The following FGF14 variants were observed in gnomAD, a reference collection of about 807,000 sequenced individuals.
FGF14 encodes the protein fibroblast growth factor homologous factor 4.
A neutral mutation model predicts 25.5 loss-of-function variants in FGF14; 5 were observed. That is an observed-to-expected ratio of 0.20 (90% CI 0.10 to 0.41). The LOEUF (loss-of-function observed/expected upper bound fraction) is 0.41, where lower values mean the gene tolerates loss of function less well. Among genes scored for constraint, FGF14 ranks in the 10% least tolerant of loss-of-function variants. FGF14 has a pLI of 1.00. For missense variants in FGF14, 222 were observed against 320.1 expected, an observed-to-expected ratio of 0.69 and a Z score of 2.34; for synonymous variants, 138 against 118.3, an observed-to-expected ratio of 1.17 and a Z score of -1.08.
chr13:102,089,074 G>C (rs2044055213), intron 1 of FGF14, among the ~76,000 whole-genome samples: 1 of 152,180 alleles, frequency 6.6e-6, no homozygotes, highest in African/African-American at 2.4e-5. Flanking sequence ...CATAGATACA[G>C]AATTCAGAAT....
At chr13:102,295,008 A>G (rs771064753) in intron 1 of FGF14, among the ~76,000 whole-genome samples, 4 of 152,144 alleles carry the variant, frequency 2.6e-5, no homozygotes, top group Non-Finnish European at 4.4e-5. Flanking sequence ...TAAAATACCT[A>G]CTTTGATTTG....
At chr13:102,367,559 G>A (rs2057749138) in intron 1 of FGF14, 1 of 151,120 alleles carries the variant, frequency 6.6e-6, no homozygotes, top group Non-Finnish European at 1.5e-5. Flanking sequence ...AAGAGGCAAG[G>A]ATGACAGGAG....
At chr13:101,904,961 T>C (rs2032051658) in intron 1 of FGF14, among the ~76,000 whole-genome samples, 1 of 152,210 alleles carries the variant, frequency 6.6e-6, no homozygotes, top group South Asian at 2.1e-4. Context: ...TGGTCAAACA[T>C]GAAATACTTG....
At chr13:102,180,362 G>A (rs763682184) in intron 1 of FGF14, among the ~76,000 whole-genome samples, 8 of 152,010 alleles carry the variant, frequency 5.3e-5, no homozygotes, top group Non-Finnish European at 1.2e-4. Flanking sequence ...ACCCAGGCTG[G>A]ATTACAGTGG....
intron 1 of FGF14, among the ~76,000 whole-genome samples, chr13:102,240,796 T>G (rs566196385): frequency 6.6e-6 from 1 of 152,162 alleles, no homozygotes; most frequent in Non-Finnish European, 1.5e-5. Context: ...GGATTGAAGA[T>G]GCAAACTTTA....
chr13:102,248,280 G>A (rs891996331), intron 1 of FGF14, among the ~76,000 whole-genome samples: 22 of 151,992 alleles, frequency 1.4e-4, no homozygotes, highest in African/African-American at 5.3e-4. Flanking sequence ...TGCTTGTAAG[G>A]CATGGTTTTC....
intron 3 of FGF14, among the ~76,000 whole-genome samples, chr13:101,740,321 C>T (rs73566209): frequency 0.013 from 2,043 of 152,248 alleles, 44 homozygotes; most frequent in African/African-American, 0.046. Context: ...AGGAACATGT[C>T]ACACTCAGAT....
At chr13:102,391,038 C>A (rs985639647) in intron 1 of FGF14, among the ~76,000 whole-genome samples, 1 of 152,138 alleles carries the variant, frequency 6.6e-6, no homozygotes, top group African/African-American at 2.4e-5. Flanking sequence ...TACTCTCAGA[C>A]AACTATTTTA....
At chr13:102,334,521 A>C (rs2056733126) in intron 1 of FGF14, among the ~76,000 whole-genome samples, 1 of 152,150 alleles carries the variant, frequency 6.6e-6, no homozygotes, top group African/African-American at 2.4e-5. Context: ...AGCTCTACTC[A>C]GTGAAATAAA....
chr13:102,062,334 T>C (rs2042725718), intron 1 of FGF14, among the ~76,000 whole-genome samples: 1 of 151,576 alleles, frequency 6.6e-6, no homozygotes, highest in African/African-American at 2.4e-5. Context: ...AAGACTAAAA[T>C]GTAATATATG....
At chr13:101,825,594 A>C (rs1012598125) in intron 3 of FGF14, among the ~76,000 whole-genome samples, 4 of 152,230 alleles carry the variant, frequency 2.6e-5, no homozygotes, top group African/African-American at 9.6e-5. Flanking sequence ...TTAGCGTTAC[A>C]GAAAAGTCCA....
chr13:102,210,795 T>C (rs1341693715), intron 1 of FGF14, among the ~76,000 whole-genome samples: 2 of 152,108 alleles, frequency 1.3e-5, no homozygotes, highest in Non-Finnish European at 1.5e-5. Context: ...ACAGAGAATA[T>C]TGGAAAATGA....
At chr13:101,922,098 G>T (rs556899163) in intron 1 of FGF14, among the ~76,000 whole-genome samples, 1 of 152,120 alleles carries the variant, frequency 6.6e-6, no homozygotes, top group Admixed American at 6.6e-5. Context: ...GCTCAATAAA[G>T]ATTTGTGTAT....
At position 102,161,714 on chromosome 13, in the gene FGF14, A is replaced by G. The variant is rs909650968; in HGVS notation, c.208+239757T>C. On this transcript the variant is annotated intron_variant, in intron 1 of 4. Transcript: ENST00000376131. ...AAGAAGAAGAAGAAGAAGAAGAAGA[A>G]GAAGAAGAAGAATAGAAATGTGTTT... Among the ~76,000 whole-genome samples, 18 of 150,310 alleles carry G rather than the reference A, an allele frequency of 1.2e-4. 1 individual carries two copies. The highest frequency in any genetic ancestry group is 1.3e-4 in the Admixed American group (2 of 15,090).
chr13:102,184,411 G>A lies in FGF14; in HGVS notation c.208+217060C>T, dbSNP rs541399337. On this transcript the variant is annotated intron_variant, in intron 1 of 4. Coordinates refer to the FGF14 transcript ENST00000376131. ...CACTCAGCATCCCAGGGATGGGCTCGTGGTCCAGTCCCTGAATCTATCTAG... is the reference window on the plus strand; with the variant it reads ...CACTCAGCATCCCAGGGATGGGCTCATGGTCCAGTCCCTGAATCTATCTAG... 6.6e-5 allele frequency among the ~76,000 whole-genome samples: 10 copies of A among 152,234 alleles called. No individual in the cohort carries two copies. In the East Asian group the frequency reaches 1.7e-3, roughly 27 times the overall value.
chr13:102,376,179 G>A (rs1297878447), intron 1 of FGF14, among the ~76,000 whole-genome samples: 3 of 152,030 alleles, frequency 2.0e-5, no homozygotes, highest in Non-Finnish European at 4.4e-5. Flanking sequence ...TGAATCTGGG[G>A]GCAGTTTTCC....
At chr13:102,158,370 G>A (rs1237680382) in intron 1 of FGF14, among the ~76,000 whole-genome samples, 2 of 152,260 alleles carry the variant, frequency 1.3e-5, no homozygotes, top group Non-Finnish European at 2.9e-5. Flanking sequence ...GTCCTTTGCA[G>A]GGACATGGAT....
At chr13:101,912,392 A>G (rs74378602) in intron 1 of FGF14, among the ~76,000 whole-genome samples, 2,546 of 152,252 alleles carry the variant, frequency 0.017, 91 homozygotes, top group African/African-American at 0.058. Flanking sequence ...CATGCCAAAG[A>G]TTTAGAAAGG....
At chr13:102,014,707 T>C (rs552321227) in intron 1 of FGF14, among the ~76,000 whole-genome samples, 1 of 152,300 alleles carries the variant, frequency 6.6e-6, no homozygotes, top group African/African-American at 2.4e-5. Context: ...GTCACTTATT[T>C]CGTATGTAAA....
Sources: allele counts gnomAD v4.1 joint callset (sites outside exome capture counted in the v4.1 genomes callset), GRCh38; gene constraint gnomAD v4.1.1; transcripts MANE v1.5; gene names NCBI Gene and HGNC (gene_info 2026-07-23, HGNC 2026-07-21).